CHD1L: variants seen among roughly 807,000 people sequenced by gnomAD.
CHD1L encodes the protein chromodomain helicase DNA binding protein 1 like.
In CHD1L, 118 loss-of-function variants were observed where a neutral mutation model predicts 115.9. The ratio of observed to expected loss-of-function variants is 1.02; its 90% CI spans 0.88 to 1.19. The LOEUF (loss-of-function observed/expected upper bound fraction) is 1.19, where lower values mean the gene tolerates loss of function less well. Ranked by LOEUF, CHD1L falls within the 50% of genes most tolerant of loss-of-function variation. The probability of loss-of-function intolerance (pLI) is 0.00; values close to 1 mark genes in which losing one functional copy is unlikely to be tolerated. For missense variants in CHD1L, 1,179 were observed against 1,065.3 expected, an observed-to-expected ratio of 1.11 and a Z score of -1.49; for synonymous variants, 411 against 387.1, an observed-to-expected ratio of 1.06 and a Z score of -0.72.
At chr1:147,199,363 T>C in the CHD1L span, among the ~76,000 whole-genome samples, 2 of 152,150 alleles carry the variant, frequency 1.3e-5, no homozygotes, top group African/African-American at 4.8e-5. Flanking sequence ...AACCCAGAGT[T>C]CCTGTTGGAA....
At chr1:147,187,726 G>A in the CHD1L span, among the ~76,000 whole-genome samples, 1 of 152,186 alleles carries the variant, frequency 6.6e-6, no homozygotes, top group Non-Finnish European at 1.5e-5. Flanking sequence ...ATCCTGAAAG[G>A]ATGAGGGAGA....
chr1:147,209,169 C>G, the CHD1L span: 1 of 758,554 alleles, frequency 1.3e-6, no homozygotes, highest in Non-Finnish European at 2.1e-6. Flanking sequence ...CCTGTAATCC[C>G]AGCACTTTGG....
chr1:147,235,082 CCA>C, the CHD1L span, among the ~76,000 whole-genome samples: 1 of 112,266 alleles, frequency 8.9e-6, no homozygotes, highest in East Asian at 3.8e-4. Flanking sequence ...AGTAGATATC[CCA>C]CACTGTGTGT....
the CHD1L span, chr1:147,224,070 T>C: frequency 2.7e-6 from 1 of 371,658 alleles, no homozygotes; most frequent in Non-Finnish European, 5.3e-6. Flanking sequence ...CTGCCTGCCC[T>C]GTGTCCCAAA....
rs1553976239 is a variant in CHD1L, at chr1:147,295,470, A to G, written c.2655A>G (p.Ser885=). 1.9e-6 allele frequency: 3 copies of G among 1,611,740 alleles called. No individual in the cohort carries two copies. Among genetic ancestry groups the G allele is most frequent in the Admixed American group, 1.7e-5 (1 of 59,946 alleles). ...FPRSKSAVLH[S]QSSSSSSRQL... Reference sequence around the variant, plus strand: ...GAAGCAAGTCTGCTGTCCTTCATTCACAGTCTTCATCTTCCTCCTCAAGAC... The same window carrying G: ...GAAGCAAGTCTGCTGTCCTTCATTCGCAGTCTTCATCTTCCTCCTCAAGAC... The change falls in exon 23 of 23, where the codon TCA becomes TCG. Residue 885 remains serine (S), a synonymous_variant. Transcript: ENST00000369258.
At chr1:147,192,976 T>G in the CHD1L span, among the ~76,000 whole-genome samples, 3 of 152,258 alleles carry the variant, frequency 2.0e-5, no homozygotes, top group Middle Eastern at 3.4e-3. Context: ...AAATTCTTTT[T>G]TGTTGTGTCT....
In CHD1L at chr1:147,242,716, G is replaced by C. The variant is rs782387057; in HGVS notation, c.13G>C (p.Gly5Arg). The C allele has an allele frequency of 7.9e-7, 1 of 1,258,142 alleles. No homozygotes were observed. Among genetic ancestry groups the C allele is most frequent in the East Asian group, 3.1e-5 (1 of 32,684 alleles). 77.9% of individuals were successfully genotyped at this position (1,258,142 alleles called of 1,614,324 possible). The part of the protein sequence containing the change: MERA[G>R]ATSRGGQAPG... The stretch of plus-strand genomic sequence containing the variant: ...CTCTACCGGCCCGATGGAGCGCGCG[G>C]GCGCTACTAGCCGCGGGGGCCAAGC... The change falls in exon 1 of 23, where the codon GGC (glycine) becomes CGC (arginine). Residue 5 changes from glycine to arginine, a missense_variant. Coordinates refer to ENST00000369258, the MANE Select transcript of CHD1L (RefSeq NM_004284.6).
chr1:147,247,271 T>C (rs1226998078), intron 1 of CHD1L, among the ~76,000 whole-genome samples: 2 of 152,124 alleles, frequency 1.3e-5, no homozygotes, highest in South Asian at 2.1e-4. Context: ...CCACCAAATA[T>C]CATGTTGAAA....
chr1:147,190,372 G>A, the CHD1L span: 1 of 608,316 alleles, frequency 1.6e-6, no homozygotes, highest in Non-Finnish European at 2.9e-6. Flanking sequence ...TACTCAAGGA[G>A]GTTACAATTC....
chr1:147,195,120 T>C, the CHD1L span, among the ~76,000 whole-genome samples: 19 of 152,156 alleles, frequency 1.2e-4, no homozygotes, highest in African/African-American at 4.6e-4. Flanking sequence ...CTTGGTTCCA[T>C]TCTCCCCGTC....
At chr1:147,267,568 G>T (rs1553949472) in intron 9 of CHD1L, 50 bp downstream of exon 9, 18 of 1,420,416 alleles carry the variant, frequency 1.3e-5, no homozygotes, top group Non-Finnish European at 1.8e-5. Flanking sequence ...ATGTTTCTGT[G>T]GCCAAATCAT....
upstream of CHD1L, among the ~76,000 whole-genome samples, chr1:147,239,465 T>A (rs980508219): frequency 1.3e-5 from 2 of 152,052 alleles, no homozygotes; most frequent in African/African-American, 4.8e-5. Context: ...AATCAGTGAA[T>A]CCTATAGGCT....
intron 18 of CHD1L, 98 bp downstream of exon 18, chr1:147,286,598 TGTA>T (rs1553966169): frequency 3.3e-5 from 34 of 1,035,068 alleles, no homozygotes; most frequent in Non-Finnish European, 1.5e-6. Context: ...GTGGTCCCAG[TGTA>T]GTATTGTACA....
At chr1:147,228,730 T>C in the CHD1L span, among the ~76,000 whole-genome samples, 1 of 152,238 alleles carries the variant, frequency 6.6e-6, no homozygotes, top group African/African-American at 2.4e-5. Flanking sequence ...TATCTCATTG[T>C]GGTTTTGATT....
At chr1:147,204,841 C>T in the CHD1L span, 2 of 1,602,618 alleles carry the variant, frequency 1.2e-6, no homozygotes, top group Non-Finnish European at 8.5e-7. Context: ...TTGTATGTTT[C>T]TATACACAGC....
intron 2 of CHD1L, among the ~76,000 whole-genome samples, chr1:147,253,692 CT>C (rs1553937958): frequency 2.0e-5 from 3 of 152,184 alleles, no homozygotes; most frequent in Non-Finnish European, 4.4e-5. Flanking sequence ...GAGATGAGGT[CT>C]CACTATGTTG....
chr1:147,280,130 C>G lies in CHD1L; in HGVS notation c.1644C>G (p.Gly548=). 6.2e-7 allele frequency: 1 copy of G among 1,613,252 alleles called. No homozygotes were observed. The highest frequency in any genetic ancestry group is 8.5e-7 in the Non-Finnish European group (1 of 1,179,674). Residue 548 remains glycine, a synonymous_variant, in exon 15 of 23, where the codon GGC becomes GGG. Transcript: ENST00000369258. The part of the protein sequence containing the change: ...LESILGETKD[G]QWVSDALPAA... ...CCATCCTGGGAGAAACAAAAGATGG[C>G]CAGTGGGTCTCTGATGCCTTGCCTG...
intron 3 of CHD1L, 136 bp downstream of exon 3, chr1:147,255,112 G>A (rs1669658549): frequency 1.7e-6 from 1 of 575,740 alleles, no homozygotes; most frequent in African/African-American, 1.9e-5. Flanking sequence ...AGCTGATAGA[G>A]TGTAGGTAGA....
the CHD1L span, among the ~76,000 whole-genome samples, chr1:147,221,712 G>T: frequency 6.6e-6 from 1 of 152,210 alleles, no homozygotes; most frequent in Non-Finnish European, 1.5e-5. Flanking sequence ...TCCACAGCAG[G>T]TCTGTTGGGA....
Sources: gnomAD v4.1 joint callset for allele counts (sites outside exome capture counted in the v4.1 genomes callset) on GRCh38, gnomAD v4.1.1 for gene constraint, MANE v1.5 for transcripts, NCBI Gene and HGNC (gene_info 2026-07-23, HGNC 2026-07-21) for gene names.